Variants in KRT25 observed in about 807,000 individuals in gnomAD.
The protein encoded by KRT25 is keratin, type I cytoskeletal 25.
A neutral mutation model predicts 47.6 loss-of-function variants in KRT25; 37 were observed. The observed-to-expected ratio is 0.78, with a 90% CI of 0.60 to 1.02. The LOEUF (loss-of-function observed/expected upper bound fraction) is 1.02, where lower values mean the gene tolerates loss of function less well. KRT25 is among the 50% of genes least tolerant of loss of function. The pLI, the probability that KRT25 is intolerant of heterozygous loss-of-function variation, is 0.00. For synonymous variants in KRT25, 203 were observed against 210.2 expected (o/e 0.97, Z 0.30); for missense variants, 542 against 550.3 (o/e 0.98, Z 0.15).
chr17:40,753,780 T>A, intron 3 of KRT25, 80 bp downstream of exon 3: 1 of 1,151,200 alleles, frequency 8.7e-7, no homozygotes, highest in Middle Eastern at 2.2e-4. Flanking sequence ...ACTTTTTATA[T>A]GAGAGGTTAT....
intron 3 of KRT25, among the ~76,000 whole-genome samples, chr17:40,753,202 A>G (rs2038066315): frequency 6.6e-6 from 1 of 152,110 alleles, no homozygotes; most frequent in South Asian, 2.1e-4. Flanking sequence ...GATGGCCTTA[A>G]AGTATATTTA....
At chr17:40,750,813 T>C in intron 5 of KRT25, 141 bp downstream of exon 5, 1 of 1,232,976 alleles carries the variant, frequency 8.1e-7, no homozygotes, top group South Asian at 1.5e-5. Flanking sequence ...AGGTGTCAGC[T>C]ATACAATCCT....
At chr17:40,753,562 T>C (rs1180372616) in intron 3 of KRT25, among the ~76,000 whole-genome samples, 1 of 151,338 alleles carries the variant, frequency 6.6e-6, no homozygotes, top group Non-Finnish European at 1.5e-5. Flanking sequence ...CGGGCGCCTG[T>C]AGTCCCAGCT....
At position 40,751,281 on chromosome 17, in the gene KRT25, C is replaced by A; in HGVS notation, c.715G>T (p.Glu239Ter). The change falls in exon 4 of 8, where the codon GAG (glutamate) becomes TAG (stop). Residue 239 changes from glutamate (E) to a stop codon, truncating the protein, a stop_gained. Coordinates refer to ENST00000312150, the MANE Select transcript of KRT25 (RefSeq NM_181534.4). LOFTEE classifies it high-confidence loss of function. ...QCAAGGNVNV[E>*]MNAAPGVDLT... ...TCCACCCCGGGGGCTGCGTTCATCTCCACGTTCACGTTGCCTCCAGCTGCG... is the reference window on the plus strand; with the variant it reads ...TCCACCCCGGGGGCTGCGTTCATCTACACGTTCACGTTGCCTCCAGCTGCG... The A allele has an allele frequency of 6.2e-7, 1 of 1,614,068 alleles. No individual in the cohort carries two copies. Among genetic ancestry groups the A allele is most frequent in the Non-Finnish European group, 8.5e-7 (1 of 1,179,962 alleles).
Position 40,751,057 on chromosome 17 carries a change from A to G in KRT25, c.854T>C (p.Ile285Thr), listed in dbSNP as rs773464352. The change falls in exon 5 of 8, where the codon ATC becomes ACC. Residue 285 changes from isoleucine (I) to threonine (T), a missense_variant. Transcript: ENST00000312150. ...GGTTGTGGCTCCGACATCCTCAGAG[A>G]TCTGCTGCTGCAGGGAGGCGCTCTG... ...NEKSASLQQQ[I>T]SEDVGATTSA... 3 of 1,614,052 alleles carry G rather than the reference A, an allele frequency of 1.9e-6. No homozygotes were observed. The highest frequency in any genetic ancestry group is 1.7e-5 in the Admixed American group (1 of 60,004).
chr17:40,754,270 C>A (rs1298919535), intron 2 of KRT25, 116 bp downstream of exon 2: 1 of 905,110 alleles, frequency 1.1e-6, no homozygotes, highest in Non-Finnish European at 1.8e-6. Context: ...AAAGTAATAA[C>A]ATCCTGTTTA....
Position 40,751,564 on chromosome 17 carries a change from C to G in KRT25, c.670-238G>C, listed in dbSNP as rs2038048641. Among the ~76,000 whole-genome samples the G allele has an allele frequency of 1.3e-5, 2 of 152,154 alleles. 1 individual carries two copies. The highest frequency in any genetic ancestry group is 4.1e-4 in the South Asian group (2 of 4,828). ...GGAGAGTTTTAATTGTTCCAGAGTT[C>G]TTTATTATAGTGAGCCAAACTCCTG... On this transcript the variant is annotated intron_variant, in intron 3 of 7. Coordinates refer to ENST00000312150, the MANE Select transcript of KRT25 (RefSeq NM_181534.4).
rs2038015318 is a variant in KRT25 at position 40,748,326 on chromosome 17, A to G, written c.1304T>C (p.Ile435Thr). 31 of 1,612,910 alleles carry G rather than the reference A, an allele frequency of 1.9e-5. No individual in the cohort carries two copies. The highest frequency in any genetic ancestry group is 2.6e-5 in the Non-Finnish European group (31 of 1,179,534). Reference protein sequence around the residue: ...VLEEVDQRSKILTTRLHSLEE... With the variant: ...VLEEVDQRSKTLTTRLHSLEE... The stretch of plus-strand genomic sequence containing the variant: ...CAGGGAGTGGAGCCTGGTGGTAAGT[A>G]TTTTGCTGCGTTGGTCTACCTCCTC... The change falls in exon 8 of 8, where the codon ATA becomes ACA. Residue 435 changes from isoleucine to threonine, a missense_variant. Transcript: ENST00000312150.
At position 40,748,026 on chromosome 17, in the gene KRT25, T is replaced by G. The variant is rs937395585; in HGVS notation, c.*251A>C. 9.8e-6 allele frequency: 3 copies of G among 306,230 alleles called. No homozygotes were observed. Among genetic ancestry groups the G allele is most frequent in the Middle Eastern group, 8.9e-4 (1 of 1,118 alleles). The allele number at this position is 306,230 out of a possible 1,614,324, so 19.0% of individuals were successfully genotyped here. On this transcript the variant is annotated 3_prime_UTR_variant, in exon 8 of 8. Transcript: ENST00000312150. ...AAAGACAGTATCACCAATGATAACT[T>G]GCTAAAGAAGAGGTTTATTGAATAC...
chr17:40,749,469 A>G (rs2038026749), intron 6 of KRT25, 144 bp from the exon 7 acceptor site: 3 of 674,526 alleles, frequency 4.4e-6, no homozygotes, highest in Admixed American at 2.5e-5. Context: ...CTGTAGAGGT[A>G]TGAATACCTT....
Position 40,754,031 on chromosome 17 carries a change from A to G in KRT25, c.513-15T>C. ...CATTTTCATACCTTAAAGAGTGTTAATGATTTCCTAATTTGTCACATGGTT... is the reference window on the plus strand; with the variant it reads ...CATTTTCATACCTTAAAGAGTGTTAGTGATTTCCTAATTTGTCACATGGTT... On this transcript the variant is annotated splice_polypyrimidine_tract_variant and intron_variant, in intron 2 of 7. Coordinates refer to ENST00000312150, the MANE Select transcript of KRT25 (RefSeq NM_181534.4). 1 of 1,613,116 alleles carries G rather than the reference A, an allele frequency of 6.2e-7. No homozygotes were observed. Among genetic ancestry groups the G allele is most frequent in the Non-Finnish European group, 8.5e-7 (1 of 1,179,364 alleles).
chr17:40,753,799 T>A, intron 3 of KRT25, 61 bp downstream of exon 3: 1 of 1,362,314 alleles, frequency 7.3e-7, no homozygotes, highest in Non-Finnish European at 1.0e-6. Context: ...ATGTACATTA[T>A]CTCCTGTCAG....
intron 3 of KRT25, among the ~76,000 whole-genome samples, chr17:40,751,710 G>A (rs1349390941): frequency 2.6e-5 from 4 of 151,916 alleles, no homozygotes; most frequent in Non-Finnish European, 5.9e-5. Context: ...TTCTATTCTC[G>A]GCCTTTGTGG....
rs2038035487 is a variant in KRT25 at position 40,750,460 on chromosome 17, C to A, written c.1095G>T (p.Glu365Asp). Residue 365 changes from glutamate to aspartate, a missense_variant, in exon 6 of 8, where the codon GAG becomes GAT. Physicochemically the swap from Glu to Asp is conservative, Grantham distance 45. Transcript: ENST00000312150. The part of the protein sequence containing the change: ...VRTETEGQKL[E>D]YEQLLDIKLH... ...GCTTGATGTCCAGGAGCTGCTCATA[C>A]TCCAGCTTCTGGCCCTCGGTCTCGG... 6.2e-7 allele frequency: 1 copy of A among 1,613,932 alleles called. No homozygotes were observed.
At position 40,750,368 on chromosome 17, in the gene KRT25, T is replaced by G; in HGVS notation, c.1175+12A>C. The G allele has an allele frequency of 6.2e-7, 1 of 1,612,898 alleles. No individual in the cohort carries two copies. The highest frequency in any genetic ancestry group is 8.5e-7 in the Non-Finnish European group (1 of 1,178,850). On this transcript the variant is annotated intron_variant, in intron 6 of 7. Coordinates refer to ENST00000312150, the MANE Select transcript of KRT25 (RefSeq NM_181534.4). ...AGTATATTACGCCATCTATGCAGAT[T>G]ATTTTACCTACCCATCATCTCCTCC...
upstream of KRT25, chr17:40,755,420 GC>G (rs2038098436): frequency 1.5e-6 from 1 of 689,202 alleles, no homozygotes; most frequent in East Asian, 2.8e-5. Context: ...AACATGGCTT[GC>G]CAGTCTCAGC....
At position 40,755,235 on chromosome 17, in the gene KRT25, A is replaced by T; in HGVS notation, c.37T>A (p.Cys13Ser). 6.2e-7 allele frequency: 1 copy of T among 1,614,092 alleles called. No individual in the cohort carries two copies. Among genetic ancestry groups the T allele is most frequent in the Non-Finnish European group, 8.5e-7 (1 of 1,180,000 alleles). ...AGTGATCCAGTGGTGGGACGAGGAC[A>T]GGACCTCCTGGATGCACTGGAAAGT... is the stretch of plus-strand genomic sequence containing the variant. ...LRLSSASRRSCPRPTTGSLRL... is the reference protein window; with the variant it reads ...LRLSSASRRSSPRPTTGSLRL... Residue 13 changes from cysteine (C) to serine (S), a missense_variant, in exon 1 of 8, where the codon TGT (cysteine) becomes AGT (serine). Coordinates refer to ENST00000312150, the MANE Select transcript of KRT25 (RefSeq NM_181534.4).
At position 40,754,474 on chromosome 17, in the gene KRT25, A is replaced by T. The variant is rs2038085818; in HGVS notation, c.430-6T>A. ...CTGGTGGTGGATGCGATGATCTAGA[A>T]ATGGGAATTTGACTTTTATCATGAA... On this transcript the variant is annotated splice_polypyrimidine_tract_variant and splice_region_variant and intron_variant, in intron 1 of 7. Transcript: ENST00000312150. 1 of 1,612,392 alleles carries T rather than the reference A, an allele frequency of 6.2e-7. No individual in the cohort carries two copies. The highest frequency in any genetic ancestry group is 8.5e-7 in the Non-Finnish European group (1 of 1,178,560).
chr17:40,750,353 G>T (rs78420341), intron 6 of KRT25, 27 bp downstream of exon 6: 8 of 1,606,896 alleles, frequency 5.0e-6, no homozygotes, highest in Non-Finnish European at 6.0e-6. Context: ...AGTATATTAC[G>T]CCATCTATGC....
Sources: allele counts gnomAD v4.1 joint callset (sites outside exome capture counted in the v4.1 genomes callset), GRCh38; gene constraint gnomAD v4.1.1; transcripts MANE v1.5; gene names NCBI Gene and HGNC (gene_info 2026-07-23, HGNC 2026-07-21).